Variants in DPYD observed in about 807,000 individuals in gnomAD.
DPYD encodes the protein dihydropyrimidine dehydrogenase.
DPYD carries 109 observed loss-of-function variants against 116.2 expected under a neutral mutation model. The ratio of observed to expected loss-of-function variants is 0.94; its 90% CI spans 0.80 to 1.10. The LOEUF is 1.10. DPYD is among the 50% of genes least tolerant of loss of function. The probability of loss-of-function intolerance (pLI) is 0.00; values close to 1 mark genes in which losing one functional copy is unlikely to be tolerated. For missense variants in DPYD, 1,302 were observed against 1,254.5 expected (o/e 1.04, Z -0.57); for synonymous variants, 440 against 432.0 (o/e 1.02, Z -0.23).
Position 97,920,918 on chromosome 1 carries a change from G to T in DPYD, c.5C>A (p.Ala2Asp). The change falls in exon 1 of 23, where the codon GCC becomes GAC. Residue 2 changes from alanine (A) to aspartate (D), a missense_variant. Coordinates refer to ENST00000370192, the MANE Select transcript of DPYD (RefSeq NM_000110.4). M[A>D]PVLSKDSADI... Reference sequence around the variant, plus strand: ...CGCCGAGTCCTTACTGAGCACAGGGGCCATGGCAGTGCCTACAGTCTCGAG... The same window carrying T: ...CGCCGAGTCCTTACTGAGCACAGGGTCCATGGCAGTGCCTACAGTCTCGAG... 6.3e-7 allele frequency: 1 copy of T among 1,590,062 alleles called. No individual in the cohort carries two copies.
chr1:97,772,729 T>C (rs899641972), intron 3 of DPYD, among the ~76,000 whole-genome samples: 1 of 152,162 alleles, frequency 6.6e-6, no homozygotes, highest in Non-Finnish European at 1.5e-5. Flanking sequence ...TAGAGGAGAA[T>C]GGAGAATCTA....
At chr1:97,235,137 T>C (rs1661826168) in intron 18 of DPYD, 143 bp from the exon 19 acceptor site, 3 of 889,454 alleles carry the variant, frequency 3.4e-6, no homozygotes, top group South Asian at 3.0e-5. Context: ...TGTATATACA[T>C]ATGTAGTGTA....
At chr1:97,223,766 T>C (rs1433639835) in intron 19 of DPYD, among the ~76,000 whole-genome samples, 7 of 152,074 alleles carry the variant, frequency 4.6e-5, no homozygotes, top group Non-Finnish European at 1.0e-4. Context: ...CAGGACTCAT[T>C]GGGAAGATAA....
At chr1:97,770,979 T>C (rs1457301955) in intron 3 of DPYD, among the ~76,000 whole-genome samples, 1 of 152,134 alleles carries the variant, frequency 6.6e-6, no homozygotes, top group East Asian at 1.9e-4. Context: ...ATTAAGGAAA[T>C]TAAATCAAAA....
intron 20 of DPYD, among the ~76,000 whole-genome samples, chr1:97,151,867 C>T (rs775455581): frequency 4.6e-5 from 7 of 152,176 alleles, no homozygotes; most frequent in Non-Finnish European, 8.8e-5. Flanking sequence ...AATGGTCATA[C>T]TCTACTATTC....
At chr1:97,268,591 A>T (rs1203043287) in intron 18 of DPYD, among the ~76,000 whole-genome samples, 2 of 152,104 alleles carry the variant, frequency 1.3e-5, no homozygotes, top group African/African-American at 4.8e-5. Context: ...TTTGCAGCTT[A>T]TACCTTCTGG....
chr1:97,098,411 A>G (rs1456259386), intron 21 of DPYD, 78 bp downstream of exon 21: 1 of 1,515,322 alleles, frequency 6.6e-7, no homozygotes, highest in East Asian at 2.3e-5. Context: ...ACATTTAAGC[A>G]GTAAATAAAC....
chr1:97,779,757 C>A (rs1666629835), intron 3 of DPYD, among the ~76,000 whole-genome samples: 1 of 151,186 alleles, frequency 6.6e-6, no homozygotes, highest in African/African-American at 2.4e-5. Context: ...TTTTTTTTGG[C>A]CTTATTTTCA....
intron 4 of DPYD, among the ~76,000 whole-genome samples, chr1:97,736,895 T>C (rs1463653463): frequency 2.7e-5 from 4 of 148,302 alleles, no homozygotes; most frequent in Non-Finnish European, 4.5e-5. Context: ...TGTAGGGCTT[T>C]ATTAAGATAT....
chr1:97,684,747 G>T (rs746004840), intron 7 of DPYD, among the ~76,000 whole-genome samples: 1 of 152,072 alleles, frequency 6.6e-6, no homozygotes, highest in Non-Finnish European at 1.5e-5. Context: ...AAGTCTAGAA[G>T]AAATGGATAA....
intron 19 of DPYD, among the ~76,000 whole-genome samples, chr1:97,203,654 G>T (rs13376487): frequency 0.14 from 13,267 of 92,428 alleles, 1,778 homozygotes; most frequent in African/African-American, 0.31. Context: ...AATAAAGGAT[G>T]AGTTCAGACC....
intron 8 of DPYD, among the ~76,000 whole-genome samples, chr1:97,667,788 C>T (rs1659644026): frequency 6.6e-6 from 1 of 151,958 alleles, no homozygotes; most frequent in Non-Finnish European, 1.5e-5. Flanking sequence ...GCATTATTCC[C>T]AATATCCAAA....
intron 13 of DPYD, among the ~76,000 whole-genome samples, chr1:97,466,510 G>T (rs1235153932): frequency 6.6e-6 from 1 of 151,978 alleles, no homozygotes; most frequent in African/African-American, 2.4e-5. Context: ...GCCTGTCTCG[G>T]TGTCAAGATT....
intron 10 of DPYD, among the ~76,000 whole-genome samples, chr1:97,576,403 G>T (rs1362233477): frequency 6.6e-6 from 1 of 152,080 alleles, no homozygotes; most frequent in African/African-American, 2.4e-5. Flanking sequence ...CTTACAGATC[G>T]ATTTAGGATC....
chr1:97,323,345 C>CATATGTGTATATGTACACGTAT, intron 16 of DPYD, among the ~76,000 whole-genome samples: 1 of 22,608 alleles, frequency 4.4e-5, no homozygotes, highest in African/African-American at 1.2e-4. Flanking sequence ...CGTATATATA[C>CATATGTGTATATGTACACGTAT]ATGTGTATAT....
At chr1:97,287,335 TAC>T (rs1665766514) in intron 18 of DPYD, among the ~76,000 whole-genome samples, 1 of 152,154 alleles carries the variant, frequency 6.6e-6, no homozygotes, top group Non-Finnish European at 1.5e-5. Flanking sequence ...AGTCTGCCCC[TAC>T]TGGGAGGTGC....
At chr1:97,295,265 C>T (rs1666453115) in intron 18 of DPYD, among the ~76,000 whole-genome samples, 1 of 152,038 alleles carries the variant, frequency 6.6e-6, no homozygotes, top group Non-Finnish European at 1.5e-5. Flanking sequence ...TGTATTATTC[C>T]AAGGCCTCGA....
intron 8 of DPYD, among the ~76,000 whole-genome samples, chr1:97,666,808 T>G (rs1027940758): frequency 2.0e-5 from 3 of 152,192 alleles, no homozygotes; most frequent in Admixed American, 6.5e-5. Flanking sequence ...CCTATGTTGT[T>G]GTTCTTAAAT....
intron 19 of DPYD, among the ~76,000 whole-genome samples, chr1:97,198,556 T>C (rs747150567): frequency 1.3e-5 from 2 of 152,158 alleles, no homozygotes; most frequent in Non-Finnish European, 1.5e-5. Flanking sequence ...ATATACTCCA[T>C]TGAGGGCCTT....
Sources: gnomAD v4.1 joint callset for allele counts (sites outside exome capture counted in the v4.1 genomes callset) on GRCh38, gnomAD v4.1.1 for gene constraint, MANE v1.5 for transcripts, NCBI Gene and HGNC (gene_info 2026-07-23, HGNC 2026-07-21) for gene names.